The following SERINC5 variants were observed in gnomAD, a reference collection of about 807,000 sequenced individuals.
SERINC5 encodes chromosome 5 open reading frame 12.
A neutral mutation model predicts 63.1 loss-of-function variants in SERINC5; 41 were observed. That is an observed-to-expected ratio of 0.65 (90% CI 0.51 to 0.84). The LOEUF is 0.84. Among genes scored for constraint, SERINC5 ranks in the 40% least tolerant of loss-of-function variants. The probability of loss-of-function intolerance (pLI) is 0.00; values close to 1 mark genes in which losing one functional copy is unlikely to be tolerated. For synonymous variants in SERINC5, 222 were observed against 215.2 expected (o/e 1.03, Z -0.28); for missense variants, 523 against 573.0 (o/e 0.91, Z 0.89).
rs546425080 is a variant in SERINC5 at position 80,231,412 on chromosome 5, T to G, written c.27+24484A>C. ...TTGTGATCTGTATAAACAAAATCAT[T>G]TCTCATGCCTGTAACAGCATCTACT... On this transcript the variant is annotated intron_variant, in intron 1 of 11. Coordinates refer to ENST00000507668, the MANE Select transcript of SERINC5 (RefSeq NM_001174072.3). Among the ~76,000 whole-genome samples the G allele has an allele frequency of 3.3e-5, 5 of 152,320 alleles. No individual in the cohort carries two copies. The East Asian group carries it at 9.6e-4, about 29-fold the overall frequency.
At chr5:80,155,340 G>A (rs1329325147) in intron 8 of SERINC5, among the ~76,000 whole-genome samples, 8 of 152,152 alleles carry the variant, frequency 5.3e-5, no homozygotes, top group Admixed American at 2.6e-4. Context: ...CAAGGCGGGC[G>A]GATCACCTGA....
At position 80,167,506 on chromosome 5, in the gene SERINC5, G is replaced by A. The variant is rs1006452947; in HGVS notation, c.764-1028C>T. Among the ~76,000 whole-genome samples the A allele has an allele frequency of 7.2e-5, 11 of 152,146 alleles. No individual in the cohort carries two copies. In the South Asian group the frequency reaches 1.2e-3, roughly 17 times the overall value. On this transcript the variant is annotated intron_variant, in intron 6 of 11. Transcript: ENST00000507668. The stretch of plus-strand genomic sequence containing the variant: ...TCAATCTACCATTGACGGGCATGTC[G>A]GTGATTCCATATCTTTGCTATTGTG...
chr5:80,129,660 T>C (rs1236901524), intron 11 of SERINC5, among the ~76,000 whole-genome samples: 1 of 152,226 alleles, frequency 6.6e-6, no homozygotes, highest in East Asian at 1.9e-4. Flanking sequence ...TTCAATAAGA[T>C]ATTTTTCTAC....
At chr5:80,213,498 G>A (rs539161847) in intron 1 of SERINC5, among the ~76,000 whole-genome samples, 38 of 152,234 alleles carry the variant, frequency 2.5e-4, no homozygotes, top group African/African-American at 8.9e-4. Context: ...CTTACTGCTG[G>A]CATAAGCGCA....
chr5:80,122,214 A>ATATATATAT (rs1324627394), intron 11 of SERINC5, among the ~76,000 whole-genome samples: 2 of 61,436 alleles, frequency 3.3e-5, no homozygotes, highest in African/African-American at 1.6e-4. Flanking sequence ...TATATATATA[A>ATATATATAT]TATGAGTTTA....
At chr5:80,146,602 G>A (rs377570604) in intron 10 of SERINC5, among the ~76,000 whole-genome samples, 188 of 152,166 alleles carry the variant, frequency 1.2e-3, no homozygotes, top group African/African-American at 4.0e-3. Context: ...ACAGGCACAC[G>A]CCACCACGCC....
intron 7 of SERINC5, among the ~76,000 whole-genome samples, chr5:80,162,687 T>G (rs1747019957): frequency 6.6e-6 from 1 of 152,142 alleles, no homozygotes; most frequent in South Asian, 2.1e-4. Context: ...CCTTTTAAGT[T>G]TTTCATCAAT....
rs1580053627 is a variant in SERINC5, at chr5:80,142,655, A to G, written c.*1008T>C. ...TGGTCACGTTACAGATCCAGAACAC[A>G]AAACGACTTCCGCTTTTACAGTTTC... On this transcript the variant is annotated 3_prime_UTR_variant, in exon 12 of 12. Transcript: ENST00000507668. 5 of 985,464 alleles carry G rather than the reference A, an allele frequency of 5.1e-6. No individual in the cohort carries two copies. Among genetic ancestry groups the G allele is most frequent in the Non-Finnish European group, 6.0e-6 (5 of 829,954 alleles). 61.0% of individuals were successfully genotyped at this position (985,464 alleles called of 1,614,324 possible). A position where few individuals can be genotyped will look rare whatever the true frequency, so the allele number is the denominator to read the frequency against.
intron 1 of SERINC5, among the ~76,000 whole-genome samples, chr5:80,232,506 C>A (rs1340136729): frequency 6.6e-6 from 1 of 151,708 alleles, no homozygotes; most frequent in African/African-American, 2.4e-5. Flanking sequence ...GAAGTACTGG[C>A]CAGGCACAGT....
intron 2 of SERINC5, among the ~76,000 whole-genome samples, chr5:80,195,390 A>T (rs780266681): frequency 6.6e-6 from 1 of 152,170 alleles, no homozygotes; most frequent in Non-Finnish European, 1.5e-5. Context: ...TACAAATTTT[A>T]AAAATAAATT....
intron 1 of SERINC5, among the ~76,000 whole-genome samples, chr5:80,246,967 A>C (rs1409867396): frequency 1.3e-5 from 2 of 152,206 alleles, no homozygotes; most frequent in Non-Finnish European, 2.9e-5. Flanking sequence ...ATCCAATCAT[A>C]ACCCTAAATT....
intron 2 of SERINC5, among the ~76,000 whole-genome samples, chr5:80,185,047 T>C (rs1209068290): frequency 6.6e-6 from 1 of 152,122 alleles, no homozygotes; most frequent in Non-Finnish European, 1.5e-5. Context: ...CAGCTAATTT[T>C]TGTATTTTTA....
At chr5:80,183,820 C>T (rs145612150) in intron 2 of SERINC5, among the ~76,000 whole-genome samples, 2,090 of 152,216 alleles carry the variant, frequency 0.014, 58 homozygotes, top group African/African-American at 0.048. Flanking sequence ...GGACTCAGCC[C>T]GCCTGCACCC....
chr5:80,201,054 G>A (rs11952161), intron 2 of SERINC5, among the ~76,000 whole-genome samples: 167 of 152,096 alleles, frequency 1.1e-3, no homozygotes, highest in African/African-American at 3.7e-3. Context: ...GGCTGAGATC[G>A]CGCCATTGCA....
At chr5:80,245,832 G>T (rs902346799) in intron 1 of SERINC5, among the ~76,000 whole-genome samples, 2 of 151,470 alleles carry the variant, frequency 1.3e-5, no homozygotes, top group Admixed American at 6.6e-5. Flanking sequence ...CCAGGCTGGT[G>T]TCCAACTCCT....
chr5:80,135,101 T>C (rs545268400), downstream of SERINC5, among the ~76,000 whole-genome samples: 10 of 152,344 alleles, frequency 6.6e-5, no homozygotes, highest in East Asian at 1.7e-3. Context: ...GTCTCCTCCG[T>C]TGCCCAGGCT....
Position 80,143,315 on chromosome 5 carries a change from T to C in SERINC5, c.*348A>G. On this transcript the variant is annotated 3_prime_UTR_variant, in exon 12 of 12. Coordinates refer to ENST00000507668, the MANE Select transcript of SERINC5 (RefSeq NM_001174072.3). The stretch of plus-strand genomic sequence containing the variant: ...TTTCTATTCCGAGGATGAGAATGAC[T>C]GGCCCCACAAGATATTTTTATCCCT... 2.9e-6 allele frequency: 3 copies of C among 1,022,424 alleles called. No individual in the cohort carries two copies. The highest frequency in any genetic ancestry group is 3.5e-6 in the Non-Finnish European group (3 of 853,824). 63.3% of individuals were successfully genotyped at this position (1,022,424 alleles called of 1,614,324 possible).
intron 1 of SERINC5, among the ~76,000 whole-genome samples, chr5:80,225,186 C>T (rs1751115829): frequency 6.6e-6 from 1 of 152,184 alleles, no homozygotes; most frequent in Non-Finnish European, 1.5e-5. Flanking sequence ...CCAAACACAA[C>T]TTTTTGAGTA....
chr5:80,140,001 G>T lies in SERINC5; in HGVS notation c.*3662C>A. 2 of 985,338 alleles carry T rather than the reference G, an allele frequency of 2.0e-6. No individual in the cohort carries two copies. Among genetic ancestry groups the T allele is most frequent in the African/African-American group, 1.7e-5 (1 of 57,306 alleles). The allele number at this position is 985,338 out of a possible 1,614,324, so 61.0% of individuals were successfully genotyped here. On this transcript the variant is annotated 3_prime_UTR_variant, in exon 12 of 12. Transcript: ENST00000507668. ...CTTCGCAGGAAGGTGAAGCACCAAT[G>T]ATGGCAAAAATTAAATAAATACATC...
Sources: allele counts gnomAD v4.1 joint callset (sites outside exome capture counted in the v4.1 genomes callset), GRCh38; gene constraint gnomAD v4.1.1; transcripts MANE v1.5; gene names NCBI Gene and HGNC (gene_info 2026-07-23, HGNC 2026-07-21).